The following HERC2 variants were observed in gnomAD, a reference collection of about 807,000 sequenced individuals.
HERC2 encodes the protein HECT and RLD domain containing E3 ubiquitin protein ligase 2, also known as E3 ubiquitin-protein ligase HERC2.
In HERC2, 102 loss-of-function variants were observed where a neutral mutation model predicts 537.7. The ratio of observed to expected loss-of-function variants is 0.19; its 90% CI spans 0.16 to 0.22. The LOEUF (loss-of-function observed/expected upper bound fraction) is 0.22, where lower values mean the gene tolerates loss of function less well. HERC2 is among the 10% of genes least tolerant of loss of function. HERC2 has a pLI of 1.00. For missense variants in HERC2, 4,236 were observed against 6,198.2 expected (o/e 0.68, Z 10.63); for synonymous variants, 2,224 against 2,466.2 (o/e 0.90, Z 2.91).
intron 4 of HERC2, among the ~76,000 whole-genome samples, chr15:28,283,092 T>G (rs545866996): frequency 7.8e-6 from 1 of 128,444 alleles, no homozygotes; most frequent in African/African-American, 2.8e-5. Flanking sequence ...CTATAACAAC[T>G]CCAGTCACTG....
intron 2 of HERC2, among the ~76,000 whole-genome samples, chr15:28,318,315 T>A (rs1023881829): frequency 1.3e-5 from 2 of 152,060 alleles, no homozygotes; most frequent in Non-Finnish European, 2.9e-5. Flanking sequence ...ATTCAATCAC[T>A]CCACACACCA....
intron 53 of HERC2, 26 bp downstream of exon 53, chr15:28,191,935 C>G: frequency 6.3e-7 from 1 of 1,594,722 alleles, no homozygotes; most frequent in Non-Finnish European, 8.6e-7. Context: ...TGAAAGTGCC[C>G]GCTGCTGTGC....
intron 70 of HERC2, among the ~76,000 whole-genome samples, chr15:28,150,201 G>A (rs1204126545): frequency 5.9e-5 from 9 of 151,404 alleles, no homozygotes; most frequent in Admixed American, 4.6e-4. Context: ...GCTGCTAACC[G>A]AGAACATCAC....
In HERC2 at chr15:28,177,363, G is replaced by T. The variant is rs1222026235; in HGVS notation, c.9254+56C>A. ...ATTTTCTGCAAAATAATTCTCAAGA[G>T]TATCAGTCAGAAACAGTTTCTTATT... On this transcript the variant is annotated intron_variant, in intron 60 of 92. Coordinates refer to ENST00000261609, the MANE Select transcript of HERC2 (RefSeq NM_004667.6). This position sits in a 1 kb window ranked among gnomAD's most constrained non-coding sequence, Gnocchi z 5.0. 1.3e-6 allele frequency: 2 copies of T among 1,500,042 alleles called. No homozygotes were observed. Among genetic ancestry groups the T allele is most frequent in the East Asian group, 4.5e-5 (2 of 44,242 alleles). The allele number at this position is 1,500,042 out of a possible 1,614,324, so 92.9% of individuals were successfully genotyped here.
chr15:28,231,673 G>A (rs1449166294), intron 30 of HERC2, among the ~76,000 whole-genome samples: 1 of 152,056 alleles, frequency 6.6e-6, no homozygotes, highest in Non-Finnish European at 1.5e-5. Flanking sequence ...CCTTCCCTCT[G>A]CTAATTTTAA....
intron 31 of HERC2, 120 bp downstream of exon 31, chr15:28,230,247 G>A: frequency 2.1e-6 from 2 of 946,210 alleles, no homozygotes; most frequent in Non-Finnish European, 3.4e-6. Context: ...GCATCACTGG[G>A]GCCATGTTTC....
chr15:28,112,105 ACT>A (rs1887706553), intron 92 of HERC2, 70 bp from the exon 93 acceptor site: 1 of 1,453,532 alleles, frequency 6.9e-7, no homozygotes, highest in Non-Finnish European at 9.5e-7. Context: ...TGCTCATTAG[ACT>A]CTTCGTGCTC....
At chr15:28,199,343 T>TG (rs1897672128) in intron 48 of HERC2, among the ~76,000 whole-genome samples, 1 of 152,170 alleles carries the variant, frequency 6.6e-6, no homozygotes, top group South Asian at 2.1e-4. Context: ...AAGGATTCCC[T>TG]GATCATCAAA....
intron 20 of HERC2, among the ~76,000 whole-genome samples, chr15:28,250,051 C>A (rs1443795381): frequency 7.0e-6 from 1 of 141,864 alleles, no homozygotes; most frequent in Non-Finnish European, 1.5e-5. Flanking sequence ...GTTCCAGACC[C>A]ACCCCACCCG....
Position 28,214,820 on chromosome 15 carries a change from A to G in HERC2, c.6211-18T>C, listed in dbSNP as rs780567027. ...GCTAAGATCTGATAAAAGAAAATTT[A>G]TAACGACAAGCATTAAAAAAAATCT... On this transcript the variant is annotated intron_variant, in intron 39 of 92. Coordinates refer to ENST00000261609, the MANE Select transcript of HERC2 (RefSeq NM_004667.6). 6.3e-7 allele frequency: 1 copy of G among 1,598,062 alleles called. No individual in the cohort carries two copies. The highest frequency in any genetic ancestry group is 1.1e-5 in the South Asian group (1 of 89,040).
chr15:28,283,897 G>A (rs2076087027), intron 4 of HERC2, among the ~76,000 whole-genome samples: 1 of 152,150 alleles, frequency 6.6e-6, no homozygotes, highest in Non-Finnish European at 1.5e-5. Flanking sequence ...AAATGCTCAG[G>A]AGCACAAGTG....
chr15:28,199,935 C>T (rs1244951926), intron 48 of HERC2, among the ~76,000 whole-genome samples: 9 of 152,056 alleles, frequency 5.9e-5, no homozygotes, highest in Admixed American at 1.3e-4. Context: ...AAGGAGAGGA[C>T]GGGGGAAGGA....
chr15:28,231,393 G>A (rs1425568183), intron 30 of HERC2, among the ~76,000 whole-genome samples: 1 of 152,172 alleles, frequency 6.6e-6, no homozygotes, highest in Non-Finnish European at 1.5e-5. Context: ...TGGCCAGGTA[G>A]TTTATGCTAA....
intron 80 of HERC2, among the ~76,000 whole-genome samples, 192 bp from the exon 81 acceptor site, chr15:28,132,453 G>A (rs917618523): frequency 1.3e-5 from 2 of 152,202 alleles, no homozygotes; most frequent in African/African-American, 4.8e-5. Flanking sequence ...CATCTAAACC[G>A]CAGGAGGAGG....
chr15:28,134,283 G>A (rs896634709), intron 79 of HERC2, among the ~76,000 whole-genome samples: 1 of 152,152 alleles, frequency 6.6e-6, no homozygotes, highest in African/African-American at 2.4e-5. Flanking sequence ...ATATGTATAC[G>A]TATAGATGTA....
At position 28,238,758 on chromosome 15, in the gene HERC2, C is replaced by T. The variant is rs752651185; in HGVS notation, c.3592G>A (p.Gly1198Ser). ...WPGIMESFFT[G>S]QNCRNNEEVT... ...TCCTCATTATTTCTACAGTTCTGAC[C>T]TGTAAAAAATGACTCTGTATATACA... The change falls in exon 24 of 93, where the codon GGT becomes AGT. Residue 1198 changes from glycine to serine, a missense_variant. Gly to Ser is a moderately conservative substitution (Grantham distance 56). Around this residue, in one of 27 missense-constraint regions of HERC2, gnomAD observed 754 missense variants for 1,085.0 expected, o/e 0.69. Coordinates refer to ENST00000261609, the MANE Select transcript of HERC2 (RefSeq NM_004667.6). 6.2e-7 allele frequency: 1 copy of T among 1,610,618 alleles called. No homozygotes were observed. The highest frequency in any genetic ancestry group is 1.3e-5 in the African/African-American group (1 of 74,912).
intron 79 of HERC2, among the ~76,000 whole-genome samples, chr15:28,133,861 C>T (rs770737598): frequency 3.9e-5 from 6 of 152,130 alleles, no homozygotes; most frequent in Non-Finnish European, 5.9e-5. Flanking sequence ...TCTCTTTTTG[C>T]CAGCACCAAG....
At chr15:28,209,940 C>CTTTTTTTTT (rs1164101918) in intron 44 of HERC2, among the ~76,000 whole-genome samples, 2 of 77,344 alleles carry the variant, frequency 2.6e-5, no homozygotes, top group Non-Finnish European at 4.4e-5. Context: ...AATACATTAT[C>CTTTTTTTTT]TTTTTTTTTT....
chr15:28,175,835 C>A (rs376433470), intron 63 of HERC2, among the ~76,000 whole-genome samples, 179 bp from the exon 64 acceptor site: 4 of 152,130 alleles, frequency 2.6e-5, no homozygotes, highest in Non-Finnish European at 5.9e-5. Flanking sequence ...ACTTATTAAG[C>A]CAGCTGGGAA....
Sources: gnomAD v4.1 joint callset for allele counts (sites outside exome capture counted in the v4.1 genomes callset) on GRCh38, gnomAD v4.1.1 for gene constraint, gnomAD v4.1.1 regional missense constraint, Gnocchi (gnomAD v3.1) non-coding constraint, MANE v1.5 for transcripts, NCBI Gene and HGNC (gene_info 2026-07-23, HGNC 2026-07-21) for gene names.